The following LILRB2 variants were observed in gnomAD, a reference collection of about 807,000 sequenced individuals.
LILRB2 encodes the protein leukocyte immunoglobulin like receptor B2, also known as leukocyte immunoglobulin-like receptor subfamily B member 2.
A neutral mutation model predicts 72.7 loss-of-function variants in LILRB2; 47 were observed. The ratio of observed to expected loss-of-function variants is 0.65; its 90% CI spans 0.51 to 0.82. The LOEUF is 0.82. Among genes scored for constraint, LILRB2 ranks in the 40% least tolerant of loss-of-function variants. The probability of loss-of-function intolerance (pLI) is 0.00; values close to 1 mark genes in which losing one functional copy is unlikely to be tolerated. For synonymous variants in LILRB2, 279 were observed against 313.7 expected, an observed-to-expected ratio of 0.89 and a Z score of 1.17; for missense variants, 767 against 764.8, an observed-to-expected ratio of 1.00 and a Z score of -0.03.
Position 54,279,049 on chromosome 19 carries a change from T to A in LILRB2, c.718A>T (p.Ser240Cys). ...TCAGAGACACACTGGAGGGTCAGGC[T>A]TTCCCCAGGGGCCATGACAGGACCC... ...QPGPVMAPGE[S>C]LTLQCVSDVG... The change falls in exon 6 of 14, where the codon AGC (serine) becomes TGC (cysteine). Residue 240 changes from serine to cysteine, a missense_variant. By Grantham distance (112) the Ser-to-Cys change is moderately radical. Transcript: ENST00000314446. The A allele has an allele frequency of 6.8e-6, 11 of 1,614,104 alleles. No homozygotes were observed. Among genetic ancestry groups the A allele is most frequent in the Non-Finnish European group, 9.3e-6 (11 of 1,179,968 alleles).
chr19:54,278,313 G>C lies in LILRB2; in HGVS notation c.1205C>G (p.Ser402Cys). ...GTYRCYGSLN[S>C]DPYLLSHPSE... The stretch of plus-strand genomic sequence containing the variant: ...GGGGTGAGACAGCAGGTAGGGGTCG[G>C]AGTTGAGTGAGCCGTAGCACCTGTA... Residue 402 changes from serine (S) to cysteine (C), a missense_variant, in exon 7 of 14, where the codon TCC becomes TGC. Physicochemically the swap from Ser to Cys is moderately radical, Grantham distance 112. Coordinates refer to ENST00000314446, the MANE Select transcript of LILRB2 (RefSeq NM_001080978.4). The C allele has an allele frequency of 6.2e-7, 1 of 1,614,242 alleles. No individual in the cohort carries two copies. The highest frequency in any genetic ancestry group is 8.5e-7 in the Non-Finnish European group (1 of 1,180,030).
chr19:54,277,150 G>A (rs1417122041), intron 9 of LILRB2: 11 of 1,502,898 alleles, frequency 7.3e-6, no homozygotes, highest in Admixed American at 5.9e-5. Context: ...AGCTGGGAAG[G>A]GAGCCTGGGA....
In LILRB2 at chr19:54,277,808, G is replaced by A. The variant is rs1361519386; in HGVS notation, c.1309+81C>T. The stretch of plus-strand genomic sequence containing the variant: ...AGAAGCCCTTGATTGAGTCCCTGAA[G>A]GGAATGGGATCCTCCTGGACACTCA... On this transcript the variant is annotated intron_variant, in intron 8 of 13. Coordinates refer to ENST00000314446, the MANE Select transcript of LILRB2 (RefSeq NM_001080978.4). The A allele has an allele frequency of 5.9e-6, 8 of 1,361,582 alleles. No individual in the cohort carries two copies. In the East Asian group the frequency reaches 1.0e-4, roughly 17 times the overall value. The allele number at this position is 1,361,582 out of a possible 1,614,324, so 84.3% of individuals were successfully genotyped here.
rs530371207 is a variant in LILRB2 at position 54,274,569 on chromosome 19, T to C, written c.*114A>G. 1 of 1,557,924 alleles carries C rather than the reference T, an allele frequency of 6.4e-7. No homozygotes were observed. The highest frequency in any genetic ancestry group is 1.9e-5 in the Admixed American group (1 of 52,738). ...AGTTCCCAGCATCTCCTCATGGTCT[T>C]TGTTAGGGGTCCAGGCTGACTGGGG... On this transcript the variant is annotated 3_prime_UTR_variant, in exon 14 of 14. Transcript: ENST00000314446.
chr19:54,280,355 C>T, intron 2 of LILRB2, 56 bp from the exon 3 acceptor site: 2 of 1,614,148 alleles, frequency 1.2e-6, no homozygotes, highest in South Asian at 1.1e-5. Context: ...CAGGTCCTCC[C>T]CTCCCTGGGA....
Position 54,280,280 on chromosome 19 carries a change from C to T in LILRB2, c.54G>A (p.Arg18=), listed in dbSNP as rs748070081. 6.2e-7 allele frequency: 1 copy of T among 1,613,928 alleles called. No homozygotes were observed. The highest frequency in any genetic ancestry group is 1.1e-5 in the South Asian group (1 of 91,076). Residue 18 remains arginine (R), a synonymous_variant, in exon 3 of 14, where the codon AGG becomes AGA. Coordinates refer to ENST00000314446, the MANE Select transcript of LILRB2 (RefSeq NM_001080978.4). The part of the protein sequence containing the change: ...LICLGLSLGP[R]TRVQTGTIPK... ...CAGACTCACCTGTCTGCACGCGGGT[C>T]CTGGGGCCCAGACTCAGCCCTGGAA...
rs780723042 is a variant in LILRB2, at chr19:54,279,390, A to G, written c.613T>C (p.Tyr205His). 26 of 1,613,978 alleles carry G rather than the reference A, an allele frequency of 1.6e-5. No homozygotes were observed. The highest frequency in any genetic ancestry group is 2.2e-5 in the South Asian group (2 of 91,088). Residue 205 changes from tyrosine (Y) to histidine (H), a missense_variant, in exon 5 of 14, where the codon TAT (tyrosine) becomes CAT (histidine). Physicochemically the swap from Tyr to His is moderately conservative, Grantham distance 83. Coordinates refer to ENST00000314446, the MANE Select transcript of LILRB2 (RefSeq NM_001080978.4). ...RCYGYDLNSP[Y>H]VWSSPSDLLE... ...AGATCACTGGGTGAAGACCACACAT[A>G]GGGAGAGTTCAAGTCATAACCATAG...
In LILRB2 at chr19:54,279,994, C is replaced by T; in HGVS notation, c.152G>A (p.Gly51Glu). 1.9e-6 allele frequency: 3 copies of T among 1,614,126 alleles called. No homozygotes were observed. The highest frequency in any genetic ancestry group is 1.1e-5 in the South Asian group (1 of 91,086). ...QGSPVTLSCQ[G>E]SLEAQEYRLY... ...ACGGTACTCCTGGGCTTCAAGGCTC[C>T]CCTGACAACTGAGGGTGACGGGACT... Residue 51 changes from glycine to glutamate, a missense_variant, in exon 4 of 14, where the codon GGG (glycine) becomes GAG (glutamate). This residue lies in a region of LILRB2 where 599 missense variants were observed against 568.2 expected (regional missense o/e 1.05). Coordinates refer to ENST00000314446, the MANE Select transcript of LILRB2 (RefSeq NM_001080978.4).
rs1447029534 is a variant in LILRB2, at chr19:54,279,990, G to C, written c.156C>G (p.Ser52Arg). Reference protein sequence around the residue: ...GSPVTLSCQGSLEAQEYRLYR... With the variant: ...GSPVTLSCQGRLEAQEYRLYR... ...ATAGACGGTACTCCTGGGCTTCAAG[G>C]CTCCCCTGACAACTGAGGGTGACGG... The change falls in exon 4 of 14, where the codon AGC (serine) becomes AGG (arginine). Residue 52 changes from serine (S) to arginine (R), a missense_variant. Around this residue, in one of 3 missense-constraint regions of LILRB2, gnomAD observed 599 missense variants for 568.2 expected, o/e 1.05. Transcript: ENST00000314446. 1.2e-6 allele frequency: 2 copies of C among 1,614,032 alleles called. No individual in the cohort carries two copies. The highest frequency in any genetic ancestry group is 1.7e-6 in the Non-Finnish European group (2 of 1,179,960).
At chr19:54,275,665 C>T (rs567510113) in intron 13 of LILRB2, 217 of 576,044 alleles carry the variant, frequency 3.8e-4, no homozygotes, top group Non-Finnish European at 6.1e-4. Context: ...CCCAGGGGAC[C>T]GGGGTGGTTC....
chr19:54,277,159 G>A (rs1367629488), intron 9 of LILRB2: 7 of 1,494,714 alleles, frequency 4.7e-6, no homozygotes, highest in Admixed American at 2.0e-5. Flanking sequence ...GGGAGCCTGG[G>A]AGTCTGACCT....
In LILRB2 at chr19:54,277,313, G is replaced by T. The variant is rs894490772; in HGVS notation, c.1357+237C>A. 2.7e-5 allele frequency: 34 copies of T among 1,278,712 alleles called. No individual in the cohort carries two copies. The East Asian group carries it at 6.1e-4, about 23-fold the overall frequency. The allele number at this position is 1,278,712 out of a possible 1,614,324, so 79.2% of individuals were successfully genotyped here. ...GGACGGGACAGGCCCCCGCGGAATC[G>T]AGTCTTGGAGTCTTCCCTGAGGGGC... On this transcript the variant is annotated intron_variant, in intron 9 of 13. Coordinates refer to ENST00000314446, the MANE Select transcript of LILRB2 (RefSeq NM_001080978.4).
intron 6 of LILRB2, 62 bp downstream of exon 6, chr19:54,278,750 G>A (rs1361385998): frequency 6.3e-7 from 1 of 1,594,232 alleles, no homozygotes. Flanking sequence ...TCACTAATTG[G>A]ATTCCCCCGG....
chr19:54,277,544 A>G lies in LILRB2; in HGVS notation c.1357+6T>C. The G allele has an allele frequency of 6.4e-7, 1 of 1,569,236 alleles. No individual in the cohort carries two copies. The highest frequency in any genetic ancestry group is 8.7e-7 in the Non-Finnish European group (1 of 1,156,042). On this transcript the variant is annotated splice_donor_region_variant and intron_variant, in intron 9 of 13. Transcript: ENST00000314446. Reference sequence around the variant, plus strand: ...GCCCACCTCCCACTCAGAGCCCCTCACTCACCACTTTGGGGATCCGACCCA... The same window carrying G: ...GCCCACCTCCCACTCAGAGCCCCTCGCTCACCACTTTGGGGATCCGACCCA...
Position 54,280,549 on chromosome 19 carries a change from CG to C in LILRB2, c.-48-6del, listed in dbSNP as rs1361014992. 1 of 1,613,682 alleles carries C rather than the reference CG, an allele frequency of 6.2e-7. No individual in the cohort carries two copies. Among genetic ancestry groups the C allele is most frequent in the African/African-American group, 1.3e-5 (1 of 74,846 alleles). On this transcript the variant is annotated splice_polypyrimidine_tract_variant and splice_region_variant and intron_variant, in intron 1 of 13. Transcript: ENST00000314446. ...CGGATGGATGAGCCCTCGGTGCTGG[CG>C]GGACAGAGACACACAGAGAGAAATA...
Position 54,275,057 on chromosome 19 carries a change from G to A in LILRB2, c.1648-228C>T, listed in dbSNP as rs1253326907. On this transcript the variant is annotated intron_variant, in intron 13 of 13. Transcript: ENST00000314446. ...GTCACTGCCTGGGGGTCTTCATCAT[G>A]TGGGCTCTGCTGGAGAGAGACAGTG... is the stretch of plus-strand genomic sequence containing the variant. 3.7e-6 allele frequency: 6 copies of A among 1,607,804 alleles called. No individual in the cohort carries two copies. The African/African-American group carries it at 4.0e-5, about 11-fold the overall frequency.
chr19:54,275,703 G>A, intron 13 of LILRB2: 1 of 642,402 alleles, frequency 1.6e-6, no homozygotes, highest in South Asian at 1.5e-5. Flanking sequence ...CAGAGGCCTG[G>A]GGAGCGCTCT....
chr19:54,274,674 C>A lies in LILRB2; in HGVS notation c.*9G>T. The A allele has an allele frequency of 6.2e-7, 1 of 1,613,960 alleles. No individual in the cohort carries two copies. Among genetic ancestry groups the A allele is most frequent in the Non-Finnish European group, 8.5e-7 (1 of 1,180,014 alleles). On this transcript the variant is annotated 3_prime_UTR_variant, in exon 14 of 14. Coordinates refer to ENST00000314446, the MANE Select transcript of LILRB2 (RefSeq NM_001080978.4). ...TTCTACTGAGTGTGGAGTCTGCGTACCCTCCGGGCTAGTGGATGGCCAGGG... is the reference window on the plus strand; with the variant it reads ...TTCTACTGAGTGTGGAGTCTGCGTAACCTCCGGGCTAGTGGATGGCCAGGG...
rs531031474 is a variant in LILRB2, at chr19:54,277,832, C to T, written c.1309+57G>A. The T allele has an allele frequency of 3.8e-5, 54 of 1,434,968 alleles. No homozygotes were observed. In the Middle Eastern group the frequency reaches 1.0e-3, roughly 27 times the overall value. 88.9% of individuals were successfully genotyped at this position (1,434,968 alleles called of 1,614,324 possible). On this transcript the variant is annotated intron_variant, in intron 8 of 13. Transcript: ENST00000314446. The stretch of plus-strand genomic sequence containing the variant: ...AGGGAATGGGATCCTCCTGGACACT[C>T]AAAGCTGCCCTGGGGGTCGCTGCGC...
Sources: gnomAD v4.1 joint callset for allele counts on GRCh38, gnomAD v4.1.1 for gene constraint, gnomAD v4.1.1 regional missense constraint, MANE v1.5 for transcripts, NCBI Gene and HGNC (gene_info 2026-07-23, HGNC 2026-07-21) for gene names.